CCDC14: variants seen among roughly 807,000 people sequenced by gnomAD.
CCDC14 encodes coiled-coil domain-containing protein 14.
A neutral mutation model predicts 81.4 loss-of-function variants in CCDC14; 71 were observed. The observed-to-expected ratio is 0.87, with a 90% CI of 0.72 to 1.06. The LOEUF (loss-of-function observed/expected upper bound fraction) is 1.06, where lower values mean the gene tolerates loss of function less well. Ranked by LOEUF, CCDC14 falls within the 50% of genes least tolerant of loss-of-function variation. CCDC14 has a pLI of 0.00. For synonymous variants in CCDC14, 332 were observed against 364.8 expected, an observed-to-expected ratio of 0.91 and a Z score of 1.03; for missense variants, 1,046 against 1,047.3, an observed-to-expected ratio of 1.00 and a Z score of 0.02.
At chr3:123,905,737 A>T (rs1370891056) in intron 5 of CCDC14, among the ~76,000 whole-genome samples, 2 of 152,194 alleles carry the variant, frequency 1.3e-5, no homozygotes, top group Non-Finnish European at 2.9e-5. Context: ...TTATCTGTCC[A>T]GGTAGCTGAT....
At chr3:123,934,141 C>T (rs958068102) in intron 9 of CCDC14, among the ~76,000 whole-genome samples, 3 of 151,918 alleles carry the variant, frequency 2.0e-5, no homozygotes, top group Non-Finnish European at 2.9e-5. Context: ...GGCGTAGTGG[C>T]GCGTGCCTGT....
chr3:123,936,534 G>C (rs1421245849), intron 9 of CCDC14, among the ~76,000 whole-genome samples: 1 of 151,842 alleles, frequency 6.6e-6, no homozygotes, highest in East Asian at 1.9e-4. Context: ...ATGTTTTTTT[G>C]CAAGAACATG....
At chr3:123,950,224 T>C (rs1035099643) in intron 5 of CCDC14, among the ~76,000 whole-genome samples, 1 of 152,208 alleles carries the variant, frequency 6.6e-6, no homozygotes, top group African/African-American at 2.4e-5. Context: ...TATATGGATA[T>C]TTGTCACACC....
chr3:123,961,121 C>G lies in CCDC14; in HGVS notation c.30+23G>C, dbSNP rs542980263. On this transcript the variant is annotated intron_variant, in intron 1 of 12. Coordinates refer to ENST00000409697, the MANE Select transcript of CCDC14 (RefSeq NM_001366335.1). ...TGTCCCTCTCCATCCCCACAGCGGACTCCTCAGGTCCTCAGCCCTCACCTG... is the reference window on the plus strand; with the variant it reads ...TGTCCCTCTCCATCCCCACAGCGGAGTCCTCAGGTCCTCAGCCCTCACCTG... 1.9e-6 allele frequency: 3 copies of G among 1,542,298 alleles called. No homozygotes were observed. The South Asian group carries it at 3.6e-5, about 18-fold the overall frequency.
chr3:123,956,317 T>G (rs2037323722), intron 3 of CCDC14, 38 bp downstream of exon 3: 1 of 1,410,320 alleles, frequency 7.1e-7, no homozygotes, highest in African/African-American at 1.4e-5. Context: ...ATTTGAAAAC[T>G]AATTAAAATA....
chr3:123,888,440 A>AAGT, the CCDC14 span, among the ~76,000 whole-genome samples: 1 of 152,230 alleles, frequency 6.6e-6, no homozygotes, highest in South Asian at 2.1e-4. Flanking sequence ...CTGGACTTCT[A>AAGT]AGATTTCCTG....
At position 123,946,026 on chromosome 3, in the gene CCDC14, T is replaced by C. The variant is rs186024575; in HGVS notation, c.1201+777A>G. ...GGTATTATTATTATTACCATGATTA[T>C]GTATCTGACTGTGAAAATGGTAATA... On this transcript the variant is annotated intron_variant, in intron 8 of 12. Transcript: ENST00000409697. 4.8e-3 allele frequency among the ~76,000 whole-genome samples: 732 copies of C among 152,256 alleles called. 7 individuals are homozygous for C. The highest frequency in any genetic ancestry group is 0.016 in the African/African-American group (661 of 41,552).
chr3:123,961,178 C>G lies in CCDC14; in HGVS notation c.-5G>C, dbSNP rs1050675578. 1 of 1,551,644 alleles carries G rather than the reference C, an allele frequency of 6.4e-7. No individual in the cohort carries two copies. Among genetic ancestry groups the G allele is most frequent in the Non-Finnish European group, 8.7e-7 (1 of 1,146,996 alleles). Reference sequence around the variant, plus strand: ...TCGAGCTCCAGACCTGACCATCTCTCGCCGCCTCAGAGAAGCCCAGACCGA... The same window carrying G: ...TCGAGCTCCAGACCTGACCATCTCTGGCCGCCTCAGAGAAGCCCAGACCGA... On this transcript the variant is annotated 5_prime_UTR_variant, in exon 1 of 13. Coordinates refer to ENST00000409697, the MANE Select transcript of CCDC14 (RefSeq NM_001366335.1).
intron 5 of CCDC14, among the ~76,000 whole-genome samples, chr3:123,950,180 T>C (rs1371548092): frequency 2.0e-5 from 3 of 152,202 alleles, no homozygotes; most frequent in African/African-American, 4.8e-5. Context: ...TGGTAAATCA[T>C]AGGTTATCAG....
downstream of CCDC14, among the ~76,000 whole-genome samples, chr3:123,893,619 AT>A (rs1036964981): frequency 6.2e-4 from 94 of 151,920 alleles, 1 homozygote; most frequent in African/African-American, 2.2e-3. Context: ...TCATATGTCT[AT>A]TTTTTTTAAC....
chr3:123,931,904 T>C (rs142776726), intron 10 of CCDC14, among the ~76,000 whole-genome samples: 5 of 152,364 alleles, frequency 3.3e-5, no homozygotes, highest in African/African-American at 7.2e-5. Flanking sequence ...TCAGTATTAA[T>C]TTTGGTATCT....
chr3:123,944,776 G>A, intron 9 of CCDC14, 73 bp downstream of exon 9: 3 of 1,180,614 alleles, frequency 2.5e-6, no homozygotes, highest in East Asian at 2.6e-5. Context: ...TCCTAGGTAT[G>A]TCATTTGCAC....
intron 1 of CCDC14, among the ~76,000 whole-genome samples, chr3:123,959,949 CAATT>C (rs1419472331): frequency 6.6e-6 from 1 of 151,938 alleles, no homozygotes; most frequent in African/African-American, 2.4e-5. Flanking sequence ...ATATTTTTCA[CAATT>C]AAAAAAACAA....
chr3:123,928,857 A>G (rs1452148735), intron 12 of CCDC14, among the ~76,000 whole-genome samples: 1 of 152,226 alleles, frequency 6.6e-6, no homozygotes, highest in Non-Finnish European at 1.5e-5. Flanking sequence ...TGTTATTAAC[A>G]TTCTACTAAT....
At chr3:123,891,846 C>T in the CCDC14 span, among the ~76,000 whole-genome samples, 1 of 152,124 alleles carries the variant, frequency 6.6e-6, no homozygotes, top group Non-Finnish European at 1.5e-5. Flanking sequence ...CTGTATTAGT[C>T]CATTTTCACA....
the CCDC14 span, among the ~76,000 whole-genome samples, chr3:123,887,832 C>T: frequency 0.14 from 20,911 of 152,086 alleles, 2,486 homozygotes; most frequent in East Asian, 0.36. Flanking sequence ...TTGCTTTAGA[C>T]TGCTTCTCTG....
chr3:123,889,240 T>C, the CCDC14 span, among the ~76,000 whole-genome samples: 2 of 152,074 alleles, frequency 1.3e-5, no homozygotes, highest in Non-Finnish European at 2.9e-5. Context: ...TGAAACCCTG[T>C]CTCTACTAAA....
At chr3:123,931,685 T>G (rs2035730029) in intron 10 of CCDC14, among the ~76,000 whole-genome samples, 159 bp from the exon 11 acceptor site, 1 of 152,200 alleles carries the variant, frequency 6.6e-6, no homozygotes, top group African/African-American at 2.4e-5. Flanking sequence ...ACTACATATA[T>G]TTTTAAAAAT....
downstream of CCDC14, among the ~76,000 whole-genome samples, chr3:123,895,101 C>T (rs1240638698): frequency 2.0e-5 from 3 of 152,256 alleles, no homozygotes; most frequent in East Asian, 5.8e-4. Context: ...TAAGTTAGCC[C>T]CCACTGCCCC....
Sources: gnomAD v4.1 joint callset for allele counts (sites outside exome capture counted in the v4.1 genomes callset) on GRCh38, gnomAD v4.1.1 for gene constraint, MANE v1.5 for transcripts, NCBI Gene and HGNC (gene_info 2026-07-23, HGNC 2026-07-21) for gene names.